The following UBAC2 variants were observed in gnomAD, a reference collection of about 807,000 sequenced individuals.
UBAC2 encodes UBA domain containing 2, also known as ubiquitin-associated domain-containing protein 2.
A neutral mutation model predicts 44.0 loss-of-function variants in UBAC2; 26 were observed. That is an observed-to-expected ratio of 0.59 (90% CI 0.43 to 0.82). The LOEUF (loss-of-function observed/expected upper bound fraction) is 0.82. Ranked by LOEUF, UBAC2 falls within the 40% of genes least tolerant of loss-of-function variation. The pLI, the probability that UBAC2 is intolerant of heterozygous loss-of-function variation, is 0.00. For missense variants in UBAC2, 329 were observed against 419.4 expected, an observed-to-expected ratio of 0.78 and a Z score of 1.88; for synonymous variants, 155 against 154.3, an observed-to-expected ratio of 1.00 and a Z score of -0.04.
rs920327714 is a variant in UBAC2, at chr13:99,207,838, C to T, written c.31+6899C>T. Among the ~76,000 whole-genome samples, 3 of 152,152 alleles carry T rather than the reference C, an allele frequency of 2.0e-5. No individual in the cohort carries two copies. In the East Asian group the frequency reaches 5.8e-4, roughly 29 times the overall value. On this transcript the variant is annotated intron_variant, in intron 1 of 8. Coordinates refer to ENST00000403766, the MANE Select transcript of UBAC2 (RefSeq NM_001144072.2). The stretch of plus-strand genomic sequence containing the variant: ...ACCTGAATACCCTGTCCCCTGCATA[C>T]TGCTAAAATGGACACCAACATTGAC...
At chr13:99,281,377 T>C (rs1479769442) in intron 4 of UBAC2, among the ~76,000 whole-genome samples, 1 of 152,054 alleles carries the variant, frequency 6.6e-6, no homozygotes, top group Non-Finnish European at 1.5e-5. Context: ...TCACAAGATA[T>C]CTCCTTTCTC....
intron 4 of UBAC2, among the ~76,000 whole-genome samples, chr13:99,246,079 A>G (rs2043379811): frequency 6.6e-6 from 1 of 152,212 alleles, no homozygotes; most frequent in Non-Finnish European, 1.5e-5. Flanking sequence ...TACTGTATGT[A>G]TCTTGATTCA....
intron 6 of UBAC2, among the ~76,000 whole-genome samples, chr13:99,329,001 G>A (rs1280132255): frequency 6.6e-6 from 1 of 152,102 alleles, no homozygotes; most frequent in Non-Finnish European, 1.5e-5. Flanking sequence ...TGAGGTAAAG[G>A]GTAAGATTTA....
intron 4 of UBAC2, among the ~76,000 whole-genome samples, chr13:99,290,456 T>G (rs1347529852): frequency 6.6e-6 from 1 of 152,108 alleles, no homozygotes; most frequent in East Asian, 1.9e-4. Flanking sequence ...CCGGGCGCAG[T>G]GGTTTACGCT....
intron 4 of UBAC2, chr13:99,255,110 G>C: frequency 6.2e-7 from 1 of 1,614,118 alleles, no homozygotes; most frequent in Non-Finnish European, 8.5e-7. Context: ...CCCAGCATCA[G>C]GAAAGCGAAA....
intron 1 of UBAC2, among the ~76,000 whole-genome samples, chr13:99,216,378 T>C (rs2042995939): frequency 6.6e-6 from 1 of 152,130 alleles, no homozygotes; most frequent in Admixed American, 6.5e-5. Flanking sequence ...GTGCTGGGAT[T>C]ACAGGTGTGA....
chr13:99,341,672 C>T (rs2044891785), intron 7 of UBAC2, among the ~76,000 whole-genome samples: 3 of 152,196 alleles, frequency 2.0e-5, no homozygotes, highest in Middle Eastern at 6.8e-3. Flanking sequence ...GTAGTAAGTT[C>T]TGTAAGAGAA....
intron 6 of UBAC2, among the ~76,000 whole-genome samples, chr13:99,333,932 T>C (rs555236410): frequency 2.6e-5 from 4 of 152,246 alleles, no homozygotes; most frequent in African/African-American, 9.6e-5. Context: ...TATATTTTTC[T>C]TAATTTATTT....
chr13:99,362,179 A>G (rs1048588466), intron 7 of UBAC2, among the ~76,000 whole-genome samples: 1 of 152,194 alleles, frequency 6.6e-6, no homozygotes, highest in African/African-American at 2.4e-5. Flanking sequence ...TTCATTAAAC[A>G]TTGTATATTT....
chr13:99,225,014 A>T (rs1490746965), intron 1 of UBAC2, among the ~76,000 whole-genome samples: 1 of 152,182 alleles, frequency 6.6e-6, no homozygotes, highest in Non-Finnish European at 1.5e-5. Context: ...TGAGAGGAAT[A>T]CTTAATGGTA....
At chr13:99,356,213 G>A (rs770298281) in intron 7 of UBAC2, 2 of 534,422 alleles carry the variant, frequency 3.7e-6, no homozygotes, top group South Asian at 2.8e-5. Flanking sequence ...CTCTGTAGAT[G>A]TCTTTGCACC....
chr13:99,290,039 A>G (rs967590411), intron 4 of UBAC2, among the ~76,000 whole-genome samples: 1 of 152,148 alleles, frequency 6.6e-6, no homozygotes, highest in African/African-American at 2.4e-5. Flanking sequence ...TTATTTGTTT[A>G]AGAGAGAAAA....
At position 99,359,819 on chromosome 13, in the gene UBAC2, T is replaced by G. The variant is rs137962062; in HGVS notation, c.808-7968T>G. Among the ~76,000 whole-genome samples the G allele has an allele frequency of 4.2e-3, 638 of 152,294 alleles. 1 individual carries two copies. The highest frequency in any genetic ancestry group is 0.015 in the African/African-American group (606 of 41,554). ...AGCACAGCACCCCTAAAGAGTCACA[T>G]CGCCCTTCGCTGCCTACCCCATGGT... On this transcript the variant is annotated intron_variant, in intron 7 of 8. Transcript: ENST00000403766.
intron 1 of UBAC2, among the ~76,000 whole-genome samples, chr13:99,234,635 G>A (rs866682095): frequency 6.6e-6 from 1 of 152,192 alleles, no homozygotes; most frequent in African/African-American, 2.4e-5. Flanking sequence ...AAGGTTCAAG[G>A]CCAAGTCTTC....
intron 4 of UBAC2, among the ~76,000 whole-genome samples, chr13:99,264,941 A>G (rs145127508): frequency 8.1e-5 from 12 of 148,880 alleles, no homozygotes; most frequent in Non-Finnish European, 1.8e-4. Flanking sequence ...ATGGGGTCAC[A>G]TTAGTTCCTG....
chr13:99,365,682 A>G (rs1343920595), intron 7 of UBAC2, among the ~76,000 whole-genome samples: 1 of 152,214 alleles, frequency 6.6e-6, no homozygotes, highest in Non-Finnish European at 1.5e-5. Context: ...GATCTAGTAC[A>G]CAATTACTTT....
chr13:99,304,241 C>T (rs1306391915), intron 4 of UBAC2, among the ~76,000 whole-genome samples: 2 of 152,190 alleles, frequency 1.3e-5, no homozygotes, highest in African/African-American at 2.4e-5. Flanking sequence ...ACTCTGTGCC[C>T]GGTAACATTC....
intron 1 of UBAC2, among the ~76,000 whole-genome samples, chr13:99,206,418 G>A (rs979725029): frequency 1.3e-5 from 2 of 152,196 alleles, no homozygotes; most frequent in African/African-American, 2.4e-5. Context: ...CTAGTCCAGC[G>A]GATGGATGTG....
chr13:99,288,087 G>A (rs1002244522), intron 4 of UBAC2, among the ~76,000 whole-genome samples: 1 of 152,134 alleles, frequency 6.6e-6, no homozygotes, highest in Non-Finnish European at 1.5e-5. Context: ...CAATAAGAAC[G>A]TATCAAAATG....
Sources: gnomAD v4.1 joint callset for allele counts (sites outside exome capture counted in the v4.1 genomes callset) on GRCh38, gnomAD v4.1.1 for gene constraint, MANE v1.5 for transcripts, NCBI Gene and HGNC (gene_info 2026-07-23, HGNC 2026-07-21) for gene names.